Variants in CCDC198 observed in about 807,000 individuals in gnomAD.
CCDC198 encodes the protein factor associated with metabolism and energy.
A neutral mutation model predicts 35.6 loss-of-function variants in CCDC198; 18 were observed. That is an observed-to-expected ratio of 0.51 (90% confidence interval 0.35 to 0.75). The LOEUF (loss-of-function observed/expected upper bound fraction) is 0.75, where lower values mean the gene tolerates loss of function less well. Ranked by LOEUF, CCDC198 falls within the 30% of genes least tolerant of loss-of-function variation. The pLI is 0.01. For missense variants in CCDC198, 365 were observed against 343.7 expected (o/e 1.06, Z -0.49); for synonymous variants, 119 against 113.4 (o/e 1.05, Z -0.31).
intron 5 of CCDC198, among the ~76,000 whole-genome samples, chr14:57,477,844 C>A (rs1038537860): frequency 6.6e-6 from 1 of 152,042 alleles, no homozygotes; most frequent in African/African-American, 2.4e-5. Flanking sequence ...ATTACAGATG[C>A]CTGCCACTGT....
intron 1 of CCDC198, among the ~76,000 whole-genome samples, chr14:57,493,277 C>A (rs1027013647): frequency 6.6e-6 from 1 of 152,078 alleles, no homozygotes; most frequent in Non-Finnish European, 1.5e-5. Context: ...AGTGAAAAGT[C>A]CTTTGTACAG....
intron 5 of CCDC198, chr14:57,480,351 T>C: frequency 1.1e-6 from 1 of 939,500 alleles, no homozygotes; most frequent in Non-Finnish European, 1.3e-6. Flanking sequence ...CAATGAAGCA[T>C]GCAAAGCATA....
chr14:57,475,764 A>T (rs1404823573), intron 5 of CCDC198: 4 of 361,402 alleles, frequency 1.1e-5, no homozygotes, highest in African/African-American at 2.5e-5. Context: ...CTATATTCCC[A>T]TACATTTGTA....
In CCDC198 at chr14:57,491,038, T is replaced by C. The variant is rs1704573784; in HGVS notation, c.257A>G (p.Glu86Gly). ...TTTAATAATACTTGTTTCTCTGTGT[T>C]CCAGTGGGATGTCAAAATACATGTC... Reference protein sequence around the residue: ...SRDMYFDIPLEHRETSIIKRH... With the variant: ...SRDMYFDIPLGHRETSIIKRH... The change falls in exon 2 of 6, where the codon GAA becomes GGA. Residue 86 changes from glutamate (E) to glycine (G), a missense_variant. Transcript: ENST00000216445. 2 of 1,610,984 alleles carry C rather than the reference T, an allele frequency of 1.2e-6. No individual in the cohort carries two copies. Among genetic ancestry groups the C allele is most frequent in the Non-Finnish European group, 8.5e-7 (1 of 1,177,760 alleles).
chr14:57,470,118 A>C lies in CCDC198; in HGVS notation c.*1237T>G, dbSNP rs1482445118. 6.6e-6 allele frequency: 1 copy of C among 152,192 alleles called. No individual in the cohort carries two copies. The highest frequency in any genetic ancestry group is 1.5e-5 in the Non-Finnish European group (1 of 68,036). 9.4% of individuals were successfully genotyped at this position (152,192 alleles called of 1,614,324 possible). On this transcript the variant is annotated 3_prime_UTR_variant, in exon 6 of 6. Transcript: ENST00000216445. ...TGTTTTAAGGAGCTCTAAAATCTAC[A>C]TCATAATCTAAGAAGTCTTAATTTT...
At position 57,493,480 on chromosome 14, in the gene CCDC198, G is replaced by A. The variant is rs2067646729; in HGVS notation, c.223+13C>T. 6.2e-7 allele frequency: 1 copy of A among 1,604,512 alleles called. No homozygotes were observed. The highest frequency in any genetic ancestry group is 8.5e-7 in the Non-Finnish European group (1 of 1,171,526). ...TCCAGATACACACATCTCATGCTGG[G>A]TTTTATGTTTACCTGTAGAATATCT... is the stretch of plus-strand genomic sequence containing the variant. On this transcript the variant is annotated intron_variant, in intron 1 of 5. Transcript: ENST00000216445.
chr14:57,493,753 A>G lies in CCDC198; in HGVS notation c.-38T>C. 1 of 1,541,052 alleles carries G rather than the reference A, an allele frequency of 6.5e-7. No homozygotes were observed. The highest frequency in any genetic ancestry group is 8.9e-7 in the Non-Finnish European group (1 of 1,120,550). On this transcript the variant is annotated 5_prime_UTR_variant, in exon 1 of 6. Coordinates refer to ENST00000216445, the MANE Select transcript of CCDC198 (RefSeq NM_018168.4). ...ACATTCAGAGGAAAGCTGCGAGGGAAGTGGTTTTGGGGTCTTTAATATAGC... is the reference window on the plus strand; with the variant it reads ...ACATTCAGAGGAAAGCTGCGAGGGAGGTGGTTTTGGGGTCTTTAATATAGC...
At position 57,491,173 on chromosome 14, in the gene CCDC198, C is replaced by G. The variant is rs973081994; in HGVS notation, c.224-102G>C. The G allele has an allele frequency of 1.1e-5, 13 of 1,201,216 alleles. No individual in the cohort carries two copies. The African/African-American group carries it at 1.8e-4, about 17-fold the overall frequency. 74.4% of individuals were successfully genotyped at this position (1,201,216 alleles called of 1,614,324 possible). ...AGACTTTGTCAACACAATTTTGTACCTTTTCAGTTATATATGTCTAACCTG... is the reference window on the plus strand; with the variant it reads ...AGACTTTGTCAACACAATTTTGTACGTTTTCAGTTATATATGTCTAACCTG... On this transcript the variant is annotated intron_variant, in intron 1 of 5. Coordinates refer to ENST00000216445, the MANE Select transcript of CCDC198 (RefSeq NM_018168.4).
intron 5 of CCDC198, among the ~76,000 whole-genome samples, chr14:57,478,182 A>G (rs1218149457): frequency 1.3e-5 from 2 of 152,146 alleles, no homozygotes; most frequent in Non-Finnish European, 2.9e-5. Context: ...CTTTCCTTTC[A>G]GAAGTCGCAG....
intron 3 of CCDC198, among the ~76,000 whole-genome samples, chr14:57,482,641 T>G (rs1187818978): frequency 6.6e-6 from 1 of 152,178 alleles, no homozygotes; most frequent in African/African-American, 2.4e-5. Flanking sequence ...GGTGAGGTTG[T>G]GTCAAATAAG....
At chr14:57,481,283 T>C (rs561740137) in intron 4 of CCDC198, among the ~76,000 whole-genome samples, 4 of 152,278 alleles carry the variant, frequency 2.6e-5, no homozygotes, top group African/African-American at 9.6e-5. Flanking sequence ...CTAGCCCCAT[T>C]TTCCTATGTC....
At chr14:57,477,635 T>G (rs2067047316) in intron 5 of CCDC198, among the ~76,000 whole-genome samples, 1 of 152,174 alleles carries the variant, frequency 6.6e-6, no homozygotes, top group East Asian at 1.9e-4. Context: ...AAATGTAAAA[T>G]TCTTTCACCA....
At position 57,471,606 on chromosome 14, in the gene CCDC198, G is replaced by A; in HGVS notation, c.656-16C>T. 1.4e-6 allele frequency: 2 copies of A among 1,427,056 alleles called. No homozygotes were observed. The highest frequency in any genetic ancestry group is 1.9e-6 in the Non-Finnish European group (2 of 1,043,680). The allele number at this position is 1,427,056 out of a possible 1,614,324, so 88.4% of individuals were successfully genotyped here. A position where few individuals can be genotyped will look rare whatever the true frequency, so the allele number is the denominator to read the frequency against. ...TTTGAATTTCCTACAAAAAAATTAA[G>A]TTTCTTTAATTTTTTCCCTTAGCAA... On this transcript the variant is annotated splice_polypyrimidine_tract_variant and intron_variant, in intron 5 of 5. Coordinates refer to ENST00000216445, the MANE Select transcript of CCDC198 (RefSeq NM_018168.4).
intron 5 of CCDC198, among the ~76,000 whole-genome samples, chr14:57,477,269 G>A (rs1365211862): frequency 1.3e-5 from 2 of 152,188 alleles, no homozygotes; most frequent in Non-Finnish European, 2.9e-5. Context: ...ATCCTTTGGA[G>A]GCATTGTAAT....
chr14:57,480,960 A>C (rs893219801), intron 4 of CCDC198, among the ~76,000 whole-genome samples: 6 of 152,344 alleles, frequency 3.9e-5, no homozygotes, highest in Middle Eastern at 3.4e-3. Context: ...GAGTGCACCC[A>C]GTCTCAAAAA....
chr14:57,475,357 G>A, intron 5 of CCDC198: 1 of 994,366 alleles, frequency 1.0e-6, no homozygotes, highest in Non-Finnish European at 1.2e-6. Flanking sequence ...CAGGTGGCCA[G>A]ATAAGACCAG....
chr14:57,493,097 T>C (rs2067630926), intron 1 of CCDC198, among the ~76,000 whole-genome samples: 1 of 152,194 alleles, frequency 6.6e-6, no homozygotes, highest in Admixed American at 6.6e-5. Context: ...TCTGGTGCAT[T>C]AAACTATACT....
intron 5 of CCDC198, among the ~76,000 whole-genome samples, chr14:57,474,257 G>T (rs1438848796): frequency 1.3e-5 from 2 of 152,174 alleles, no homozygotes; most frequent in East Asian, 3.8e-4. Context: ...AGAGAATTTT[G>T]GGAGATGGGA....
chr14:57,474,594 A>G (rs2066912946), intron 5 of CCDC198, among the ~76,000 whole-genome samples: 2 of 152,254 alleles, frequency 1.3e-5, no homozygotes, highest in Admixed American at 1.3e-4. Context: ...CTCATAAAGT[A>G]TTACATACAT....
Sources: allele counts gnomAD v4.1 joint callset (sites outside exome capture counted in the v4.1 genomes callset), GRCh38; gene constraint gnomAD v4.1.1; transcripts MANE v1.5; gene names NCBI Gene and HGNC (gene_info 2026-07-23, HGNC 2026-07-21).